Variants in ECT2L observed in about 807,000 individuals in gnomAD.
The protein encoded by ECT2L is epithelial cell-transforming sequence 2 oncogene-like.
ECT2L carries 126 observed loss-of-function variants against 122.8 expected under a neutral mutation model. That is an observed-to-expected ratio of 1.03 (90% CI 0.89 to 1.19). The LOEUF is 1.19. Ranked by LOEUF, ECT2L falls within the 50% of genes most tolerant of loss-of-function variation. The probability of loss-of-function intolerance (pLI) is 0.00; values close to 1 mark genes in which losing one functional copy is unlikely to be tolerated. For synonymous variants in ECT2L, 385 were observed against 381.8 expected (o/e 1.01, Z -0.10); for missense variants, 1,012 against 1,064.1 (o/e 0.95, Z 0.68).
chr6:138,818,957 A>G (rs1776165706), intron 4 of ECT2L, among the ~76,000 whole-genome samples: 3 of 152,234 alleles, frequency 2.0e-5, no homozygotes, highest in South Asian at 4.2e-4. Flanking sequence ...GGCCAAGGGG[A>G]AGTTTCAGAA....
chr6:138,837,654 A>AAC, intron 4 of ECT2L, among the ~76,000 whole-genome samples: 1 of 150,288 alleles, frequency 6.7e-6, no homozygotes, highest in African/African-American at 2.4e-5. Context: ...AAAAAAAAAA[A>AAC]AACAACAATT....
At chr6:138,856,576 T>C (rs75680448) in intron 10 of ECT2L, among the ~76,000 whole-genome samples, 4,214 of 152,316 alleles carry the variant, frequency 0.028, 175 homozygotes, top group African/African-American at 0.096. Context: ...CACCATGTCT[T>C]CATTTTTGCT....
At chr6:138,899,743 G>A (rs1210660787) in intron 20 of ECT2L, among the ~76,000 whole-genome samples, 1 of 149,408 alleles carries the variant, frequency 6.7e-6, no homozygotes, top group African/African-American at 2.5e-5. Context: ...GTTGCTTGAT[G>A]CTTCTGGAAG....
chr6:138,852,329 CTT>C (rs746770661), intron 9 of ECT2L, among the ~76,000 whole-genome samples: 269 of 143,452 alleles, frequency 1.9e-3, no homozygotes, highest in African/African-American at 6.4e-3. Flanking sequence ...TCAACGGTTA[CTT>C]TTTTTTTTTT....
intron 1 of ECT2L, among the ~76,000 whole-genome samples, chr6:138,808,625 T>C (rs1052269902): frequency 1.3e-5 from 2 of 152,156 alleles, no homozygotes; most frequent in Non-Finnish European, 2.9e-5. Flanking sequence ...TTGCCAAGCT[T>C]GTGTATTAAA....
chr6:138,840,285 A>C (rs771880002), intron 5 of ECT2L, among the ~76,000 whole-genome samples: 2 of 152,202 alleles, frequency 1.3e-5, no homozygotes, highest in Non-Finnish European at 2.9e-5. Context: ...GCACCCACGC[A>C]GTTCAAACCC....
At chr6:138,880,852 AC>A in intron 14 of ECT2L, 104 bp from the exon 15 acceptor site, 1 of 947,360 alleles carries the variant, frequency 1.1e-6, no homozygotes. Flanking sequence ...GTCCCCTTCA[AC>A]CTGAACAGCA....
chr6:138,885,365 CACT>C, intron 16 of ECT2L, 138 bp from the exon 17 acceptor site: 1 of 719,480 alleles, frequency 1.4e-6, no homozygotes, highest in East Asian at 2.7e-5. Flanking sequence ...ACACCAATGG[CACT>C]ACTAACAGTC....
chr6:138,836,087 G>A lies in ECT2L; in HGVS notation c.180-2265G>A, dbSNP rs139478557. On this transcript the variant is annotated intron_variant, in intron 4 of 21. Coordinates refer to ENST00000541398, the MANE Select transcript of ECT2L (RefSeq NM_001077706.3). ...TGCTGTGTTCTCAGTGGATCGCGTC[G>A]GGGGGCATAGCATATCAATTTGTCC... 1.8e-3 allele frequency among the ~76,000 whole-genome samples: 280 copies of A among 152,108 alleles called. 1 individual carries two copies. The highest frequency in any genetic ancestry group is 6.5e-3 in the African/African-American group (271 of 41,478).
intron 13 of ECT2L, among the ~76,000 whole-genome samples, chr6:138,870,604 A>ATGCAAC (rs111908630): frequency 5.3e-4 from 80 of 152,156 alleles, no homozygotes; most frequent in African/African-American, 1.9e-3. Context: ...TTTGACATTT[A>ATGCAAC]TGAGCCCTGA....
At chr6:138,819,158 A>G (rs1776175824) in intron 4 of ECT2L, among the ~76,000 whole-genome samples, 1 of 151,776 alleles carries the variant, frequency 6.6e-6, no homozygotes, top group Non-Finnish European at 1.5e-5. Context: ...TTCTACCTGC[A>G]TGGGCTGGTT....
chr6:138,816,974 T>C (rs947849774), intron 4 of ECT2L, among the ~76,000 whole-genome samples: 5 of 152,208 alleles, frequency 3.3e-5, no homozygotes, highest in African/African-American at 1.2e-4. Flanking sequence ...CCTCTAGATC[T>C]GGGCAAACAC....
Position 138,881,126 on chromosome 6 carries a change from T to C in ECT2L, c.1835T>C (p.Ile612Thr), listed in dbSNP as rs1562489906. The change falls in exon 15 of 22, where the codon ATC becomes ACC. Residue 612 changes from isoleucine (I) to threonine (T), a missense_variant. Ile to Thr is a moderately conservative substitution (Grantham distance 89). Transcript: ENST00000541398. ...AGAGCGATTCTGAGTGCTGCCAATA[T>C]CCAGATCATTTTCTGTGACATTCTA... ...SNRAILSAAN[I>T]QIIFCDILQI... 1.2e-6 allele frequency: 2 copies of C among 1,614,036 alleles called. No individual in the cohort carries two copies. The highest frequency in any genetic ancestry group is 2.7e-5 in the African/African-American group (2 of 74,928).
chr6:138,848,847 G>A (rs1777324868), intron 8 of ECT2L, among the ~76,000 whole-genome samples: 1 of 152,188 alleles, frequency 6.6e-6, no homozygotes. Context: ...AGAGACAGGG[G>A]TTTCCTCATG....
intron 4 of ECT2L, among the ~76,000 whole-genome samples, chr6:138,834,011 T>G (rs1776742185): frequency 6.6e-6 from 1 of 152,090 alleles, no homozygotes; most frequent in Non-Finnish European, 1.5e-5. Flanking sequence ...GTTCTCCTAG[T>G]CATTTTCATC....
At chr6:138,878,838 A>G (rs1350678842) in intron 14 of ECT2L, 2 of 152,408 alleles carry the variant, frequency 1.3e-5, no homozygotes. Flanking sequence ...TAGCCATACC[A>G]TTAGCCACTA....
chr6:138,874,765 T>G (rs1450790762), intron 13 of ECT2L, among the ~76,000 whole-genome samples: 1 of 152,162 alleles, frequency 6.6e-6, no homozygotes, highest in Non-Finnish European at 1.5e-5. Flanking sequence ...TGTTTTTGTT[T>G]TTTGAGACAG....
intron 4 of ECT2L, among the ~76,000 whole-genome samples, chr6:138,824,996 G>A (rs1022925387): frequency 5.9e-5 from 9 of 152,176 alleles, no homozygotes; most frequent in South Asian, 2.1e-4. Context: ...TGCATTATGC[G>A]TCATTTCCCA....
chr6:138,899,085 G>C (rs750817050), intron 20 of ECT2L, among the ~76,000 whole-genome samples: 15 of 150,818 alleles, frequency 9.9e-5, no homozygotes, highest in Non-Finnish European at 2.2e-4. Flanking sequence ...TCTGACAGAA[G>C]AACAAATATT....
Sources: gnomAD v4.1 joint callset for allele counts (sites outside exome capture counted in the v4.1 genomes callset) on GRCh38, gnomAD v4.1.1 for gene constraint, MANE v1.5 for transcripts, NCBI Gene and HGNC (gene_info 2026-07-23, HGNC 2026-07-21) for gene names.